Variants in GPRC5B observed in about 807,000 individuals in gnomAD.
GPRC5B encodes G protein-coupled receptor family C group 5 member B.
GPRC5B carries 16 observed loss-of-function variants against 30.1 expected under a neutral mutation model. The observed-to-expected ratio is 0.53, with a 90% CI of 0.36 to 0.81. GPRC5B has a LOEUF of 0.81. Among genes scored for constraint, GPRC5B ranks in the 30% least tolerant of loss-of-function variants. The probability of loss-of-function intolerance (pLI) is 0.01; values close to 1 mark genes in which losing one functional copy is unlikely to be tolerated. For synonymous variants in GPRC5B, 241 were observed against 239.5 expected (o/e 1.01, Z -0.06); for missense variants, 428 against 544.7 (o/e 0.79, Z 2.13).
intron 2 of GPRC5B, among the ~76,000 whole-genome samples, chr16:19,871,381 G>A (rs545198867): frequency 6.6e-6 from 1 of 152,156 alleles, no homozygotes; most frequent in East Asian, 1.9e-4. Context: ...CAGCACTTTG[G>A]GAGGCCGAGG....
chr16:19,865,468 G>C (rs1175409891), intron 2 of GPRC5B, among the ~76,000 whole-genome samples: 1 of 152,248 alleles, frequency 6.6e-6, no homozygotes, highest in South Asian at 2.1e-4. Context: ...TCCTCAAATA[G>C]TGTCATTGTT....
At chr16:19,878,127 A>C (rs1468580831) in intron 1 of GPRC5B, among the ~76,000 whole-genome samples, 1 of 151,576 alleles carries the variant, frequency 6.6e-6, no homozygotes, top group Non-Finnish European at 1.5e-5. Context: ...TGAACCCAGG[A>C]GGCGGAGGTT....
chr16:19,884,004 A>G (rs2056829659), intron 1 of GPRC5B, among the ~76,000 whole-genome samples: 4 of 151,974 alleles, frequency 2.6e-5, no homozygotes, highest in Admixed American at 2.6e-4. Flanking sequence ...GGGACCGAGA[A>G]CAGGTCTAGT....
intron 2 of GPRC5B, among the ~76,000 whole-genome samples, chr16:19,867,648 CAT>C (rs1217357217): frequency 6.6e-6 from 1 of 152,166 alleles, no homozygotes; most frequent in Non-Finnish European, 1.5e-5. Flanking sequence ...CCTAGAGAAA[CAT>C]ATGTTAAAAC....
At chr16:19,867,152 GCA>G (rs2056674196) in intron 2 of GPRC5B, among the ~76,000 whole-genome samples, 9 of 152,214 alleles carry the variant, frequency 5.9e-5, no homozygotes, top group Admixed American at 5.9e-4. Flanking sequence ...CTTTCCAAAT[GCA>G]CAGAGTGGTC....
At chr16:19,870,602 C>T (rs932616020) in intron 2 of GPRC5B, among the ~76,000 whole-genome samples, 1 of 152,214 alleles carries the variant, frequency 6.6e-6, no homozygotes. Context: ...TTAGTACATT[C>T]CCGGTAACTG....
upstream of GPRC5B, chr16:19,885,183 C>A (rs773591925): frequency 7.8e-7 from 1 of 1,283,698 alleles, no homozygotes; most frequent in South Asian, 1.2e-5. The surrounding 1 kb of genome is among the most constrained non-coding windows in gnomAD (Gnocchi z 5.3). Flanking sequence ...CGGGAACACT[C>A]CCCTAGCCAA....
At chr16:19,874,874 T>TC (rs1555458783) in intron 1 of GPRC5B, 14 of 148,938 alleles carry the variant, frequency 9.4e-5, no homozygotes, top group African/African-American at 3.2e-4. Flanking sequence ...TTTTTTTTTT[T>TC]CTCTAACGGC....
intron 3 of GPRC5B, 80 bp downstream of exon 3, chr16:19,861,757 G>A (rs2056624622): frequency 8.3e-7 from 1 of 1,201,048 alleles, no homozygotes; most frequent in Non-Finnish European, 1.2e-6. Flanking sequence ...CTCCATGGAG[G>A]AGTATGTCCC....
intron 1 of GPRC5B, among the ~76,000 whole-genome samples, chr16:19,880,428 T>TAAATA (rs6145780): frequency 0.032 from 4,517 of 139,330 alleles, 187 homozygotes; most frequent in African/African-American, 0.1. Context: ...GTCTCTGTTA[T>TAAATA]AAATAAAATA....
chr16:19,861,238 T>C (rs954879093), intron 3 of GPRC5B, among the ~76,000 whole-genome samples: 4 of 152,176 alleles, frequency 2.6e-5, no homozygotes, highest in Non-Finnish European at 5.9e-5. Flanking sequence ...AATGTGGAGA[T>C]GAGAGTGCAT....
chr16:19,873,354 C>T (rs888019692), intron 1 of GPRC5B, among the ~76,000 whole-genome samples: 7 of 151,288 alleles, frequency 4.6e-5, no homozygotes, highest in Non-Finnish European at 1.0e-4. Context: ...ATCCCAGCTA[C>T]TTGGGAGGCT....
At chr16:19,885,571 C>G (rs2056843967), upstream of GPRC5B, 2 of 1,071,776 alleles carry the variant, frequency 1.9e-6, no homozygotes, top group Non-Finnish European at 2.3e-6. This position sits in a 1 kb window ranked among gnomAD's most constrained non-coding sequence, Gnocchi z 5.3. Context: ...TACGCAGGAT[C>G]GCCACCACCC....
chr16:19,861,508 G>A (rs2056622023), intron 3 of GPRC5B, among the ~76,000 whole-genome samples: 1 of 152,112 alleles, frequency 6.6e-6, no homozygotes, highest in South Asian at 2.1e-4. Context: ...TGCTAGGGGC[G>A]CTCCATCATT....
intron 2 of GPRC5B, among the ~76,000 whole-genome samples, chr16:19,866,831 A>C (rs1176469012): frequency 6.6e-6 from 1 of 152,222 alleles, no homozygotes; most frequent in Non-Finnish European, 1.5e-5. Context: ...GGAATGTGTC[A>C]CTATGAAACA....
At chr16:19,877,176 T>G (rs2056765107) in intron 1 of GPRC5B, among the ~76,000 whole-genome samples, 1 of 152,210 alleles carries the variant, frequency 6.6e-6, no homozygotes, top group South Asian at 2.1e-4. Flanking sequence ...CCTAATACAC[T>G]GAATGGCTGG....
intron 2 of GPRC5B, among the ~76,000 whole-genome samples, chr16:19,870,486 G>A (rs2056707415): frequency 6.6e-6 from 1 of 152,204 alleles, no homozygotes. Context: ...GTTCACAGAT[G>A]AGAAAAACTG....
Position 19,858,603 on chromosome 16 carries a change from A to G in GPRC5B, c.*1897T>C. The G allele has an allele frequency of 1.7e-6, 1 of 583,846 alleles. No homozygotes were observed. Among genetic ancestry groups the G allele is most frequent in the East Asian group, 3.1e-5 (1 of 32,350 alleles). 36.2% of individuals were successfully genotyped at this position (583,846 alleles called of 1,614,324 possible). On this transcript the variant is annotated 3_prime_UTR_variant, in exon 4 of 4. Transcript: ENST00000300571. ...TCACCGGACAGGACCGAGGTGTTTG[A>G]AGATTTCTTTCTTTTCAGAATACCG...
intron 1 of GPRC5B, chr16:19,874,741 A>T (rs1567210873): frequency 6.6e-6 from 1 of 152,328 alleles, no homozygotes. Context: ...CCTGGATGAG[A>T]ACCATGGCTG....
Sources: gnomAD v4.1 joint callset for allele counts (sites outside exome capture counted in the v4.1 genomes callset) on GRCh38, gnomAD v4.1.1 for gene constraint, Gnocchi (gnomAD v3.1) non-coding constraint, MANE v1.5 for transcripts, NCBI Gene and HGNC (gene_info 2026-07-23, HGNC 2026-07-21) for gene names.